Variants in POM121C observed in about 807,000 individuals in gnomAD.
POM121C encodes POM121 transmembrane nucleoporin C, also known as nuclear envelope pore membrane protein POM 121C.
In POM121C, 20 loss-of-function variants were observed where a neutral mutation model predicts 66.4. The ratio of observed to expected loss-of-function variants is 0.30; its 90% CI spans 0.21 to 0.44. POM121C has a LOEUF of 0.44. Ranked by LOEUF, POM121C falls within the 20% of genes least tolerant of loss-of-function variation. The pLI is 1.00. For missense variants in POM121C, 580 were observed against 1,225.7 expected (o/e 0.47, Z 7.87); for synonymous variants, 286 against 528.0 (o/e 0.54, Z 6.28).
At chr7:75,450,875 G>C (rs1790999227) in intron 3 of POM121C, among the ~76,000 whole-genome samples, 2 of 152,174 alleles carry the variant, frequency 1.3e-5, no homozygotes, top group Non-Finnish European at 1.5e-5. Context: ...AAAGACAAGG[G>C]AACGTATTCA....
intron 6 of POM121C, among the ~76,000 whole-genome samples, chr7:75,438,266 C>T (rs1297157596): frequency 1.3e-5 from 2 of 152,156 alleles, no homozygotes; most frequent in African/African-American, 2.4e-5. Context: ...AACCATGAAC[C>T]AGTTTATTCT....
chr7:75,466,863 C>T (rs1791672443), intron 3 of POM121C, among the ~76,000 whole-genome samples: 1 of 152,096 alleles, frequency 6.6e-6, no homozygotes, highest in South Asian at 2.1e-4. Context: ...ACAAACAAAT[C>T]TAGGCACCCA....
intron 3 of POM121C, among the ~76,000 whole-genome samples, chr7:75,456,158 G>T (rs1322826681): frequency 3.3e-5 from 5 of 152,210 alleles, no homozygotes; most frequent in Non-Finnish European, 5.9e-5. Context: ...AGGATCCCTT[G>T]AACCCAGGAA....
At chr7:75,466,999 A>G (rs1265428973) in intron 3 of POM121C, among the ~76,000 whole-genome samples, 7 of 152,226 alleles carry the variant, frequency 4.6e-5, no homozygotes, top group Non-Finnish European at 8.8e-5. Context: ...CCATCAGAGA[A>G]CGAGCTAAAT....
At chr7:75,463,005 G>C (rs1554477253) in intron 3 of POM121C, among the ~76,000 whole-genome samples, 3 of 152,070 alleles carry the variant, frequency 2.0e-5, no homozygotes, top group African/African-American at 7.3e-5. Context: ...CCTGCAGGCA[G>C]GGAGTAAAGC....
intron 3 of POM121C, among the ~76,000 whole-genome samples, chr7:75,465,415 G>A (rs1554477636): frequency 6.7e-6 from 1 of 150,006 alleles, no homozygotes; most frequent in Non-Finnish European, 1.5e-5. Flanking sequence ...AGACCAGTCT[G>A]GCAACACAGT....
intron 1 of POM121C, among the ~76,000 whole-genome samples, chr7:75,478,378 G>A (rs1241480183): frequency 6.6e-5 from 10 of 152,052 alleles, no homozygotes; most frequent in African/African-American, 2.2e-4. Context: ...TCCAGGCCAT[G>A]GAGCAGGGAA....
intron 3 of POM121C, among the ~76,000 whole-genome samples, chr7:75,471,619 CCAGG>C (rs1791882215): frequency 6.6e-6 from 1 of 151,986 alleles, no homozygotes; most frequent in Non-Finnish European, 1.5e-5. Context: ...GGCAGAAGCA[CCAGG>C]CAGAGATGGA....
intron 8 of POM121C, among the ~76,000 whole-genome samples, 158 bp from the exon 9 acceptor site, chr7:75,425,866 C>A (rs1464877264): frequency 2.6e-5 from 4 of 152,080 alleles, no homozygotes; most frequent in Admixed American, 2.6e-4. Flanking sequence ...CAGGAAATTC[C>A]AACAGAATGA....
intron 7 of POM121C, among the ~76,000 whole-genome samples, chr7:75,435,432 G>C (rs1375790939): frequency 2.6e-5 from 4 of 152,178 alleles, no homozygotes; most frequent in Non-Finnish European, 4.4e-5. Context: ...AGTGGAAAGG[G>C]ATGGAAATTG....
intron 3 of POM121C, chr7:75,442,220 G>A (rs587655047): frequency 1.2e-5 from 17 of 1,388,944 alleles, no homozygotes; most frequent in Admixed American, 3.7e-5. Context: ...GCGATGGGTC[G>A]GCTGGGAGGG....
chr7:75,441,156 T>C, intron 4 of POM121C, 41 bp from the exon 5 acceptor site: 22 of 1,607,386 alleles, frequency 1.4e-5, no homozygotes, highest in Non-Finnish European at 1.9e-5. Context: ...GATATTTTAA[T>C]TCCCATGCCA....
At chr7:75,443,355 A>G (rs1790732792) in intron 3 of POM121C, among the ~76,000 whole-genome samples, 1 of 130,946 alleles carries the variant, frequency 7.6e-6, no homozygotes, top group Non-Finnish European at 1.8e-5. Flanking sequence ...GTAGCAGCAT[A>G]AACATAGTTT....
At position 75,476,871 on chromosome 7, in the gene POM121C, A is replaced by G. The variant is rs371854757; in HGVS notation, c.-457-1683T>C. 2.0e-4 allele frequency among the ~76,000 whole-genome samples: 31 copies of G among 152,246 alleles called. No homozygotes were observed. In the East Asian group the frequency reaches 4.0e-3, roughly 20 times the overall value. The stretch of plus-strand genomic sequence containing the variant: ...TATTTGGAAATCTATTAATATGATA[A>G]GCCACTATAACACAGCAAAGAAGAA... On this transcript the variant is annotated intron_variant, in intron 1 of 14. Coordinates refer to ENST00000615331, the MANE Select transcript of POM121C (RefSeq NM_001099415.3).
chr7:75,447,804 A>G (rs1422483440), intron 3 of POM121C, among the ~76,000 whole-genome samples: 1 of 152,002 alleles, frequency 6.6e-6, no homozygotes, highest in African/African-American at 2.4e-5. Context: ...CAGGCGGATC[A>G]CGAGGTCAGG....
At chr7:75,459,935 T>C (rs587708507) in intron 3 of POM121C, among the ~76,000 whole-genome samples, 2 of 146,244 alleles carry the variant, frequency 1.4e-5, no homozygotes, top group East Asian at 4.1e-4. Context: ...TAAGTATGTA[T>C]AATATAATCT....
intron 1 of POM121C, among the ~76,000 whole-genome samples, chr7:75,475,516 T>C (rs4730358): frequency 0.25 from 36,050 of 145,990 alleles, 5,617 homozygotes; most frequent in Middle Eastern, 0.4. Context: ...GCATTTTACT[T>C]CTTGTCACTT....
At chr7:75,452,411 G>C (rs1244338874) in intron 3 of POM121C, among the ~76,000 whole-genome samples, 4 of 152,210 alleles carry the variant, frequency 2.6e-5, no homozygotes, top group African/African-American at 9.7e-5. Context: ...AGGAGGAGCC[G>C]AGATCGCGCC....
intron 1 of POM121C, among the ~76,000 whole-genome samples, chr7:75,477,164 G>A (rs1250187498): frequency 6.7e-6 from 1 of 148,978 alleles, no homozygotes; most frequent in Non-Finnish European, 1.5e-5. Context: ...CGGTCCGAAA[G>A]TCAGGATTTT....
Sources: allele counts gnomAD v4.1 joint callset (sites outside exome capture counted in the v4.1 genomes callset), GRCh38; gene constraint gnomAD v4.1.1; transcripts MANE v1.5; gene names NCBI Gene and HGNC (gene_info 2026-07-23, HGNC 2026-07-21).